The following ROBO1 variants were observed in gnomAD, a reference collection of about 807,000 sequenced individuals.
The protein encoded by ROBO1 is roundabout homolog 1.
ROBO1 carries 149 observed loss-of-function variants against 195.9 expected under a neutral mutation model. The observed-to-expected ratio is 0.76, with a 90% CI of 0.67 to 0.87. ROBO1 has a LOEUF of 0.87. ROBO1 is among the 40% of genes least tolerant of loss of function. The pLI, the probability that ROBO1 is intolerant of heterozygous loss-of-function variation, is 0.00. For synonymous variants in ROBO1, 816 were observed against 733.2 expected, an observed-to-expected ratio of 1.11 and a Z score of -1.82; for missense variants, 1,933 against 2,068.3, an observed-to-expected ratio of 0.93 and a Z score of 1.27.
chr3:78,853,158 C>T (rs537275344), intron 4 of ROBO1, among the ~76,000 whole-genome samples: 5 of 151,670 alleles, frequency 3.3e-5, no homozygotes, highest in African/African-American at 1.2e-4. Context: ...TGGGAGTCAT[C>T]AGTTATATAA....
chr3:79,348,815 C>G (rs2109255769), intron 2 of ROBO1, among the ~76,000 whole-genome samples: 1 of 152,212 alleles, frequency 6.6e-6, no homozygotes, highest in South Asian at 2.1e-4. Flanking sequence ...ATGCTTCTTC[C>G]TATTTCAAAA....
chr3:79,696,819 C>T (rs1947462905), intron 1 of ROBO1, among the ~76,000 whole-genome samples: 1 of 151,452 alleles, frequency 6.6e-6, no homozygotes, highest in Non-Finnish European at 1.5e-5. Context: ...GAGCCATGTT[C>T]AGACCAAGAT....
At chr3:78,944,732 G>A (rs2040325210) in intron 3 of ROBO1, among the ~76,000 whole-genome samples, 1 of 152,234 alleles carries the variant, frequency 6.6e-6, no homozygotes, top group Non-Finnish European at 1.5e-5. Context: ...AACCCAGGAA[G>A]CGCAAGGGGT....
chr3:79,249,913 T>G (rs1023829850), intron 2 of ROBO1, among the ~76,000 whole-genome samples: 2 of 151,990 alleles, frequency 1.3e-5, no homozygotes, highest in African/African-American at 4.8e-5. Context: ...GGAAAATGGG[T>G]GCCAAAGAAG....
chr3:79,017,002 G>A (rs1052872746), intron 3 of ROBO1, among the ~76,000 whole-genome samples: 2 of 152,112 alleles, frequency 1.3e-5, no homozygotes, highest in African/African-American at 2.4e-5. Context: ...ATTACAGAAG[G>A]AGAAGCTGGA....
At chr3:78,693,318 G>T in intron 8 of ROBO1, 1 of 1,550,242 alleles carries the variant, frequency 6.5e-7, no homozygotes, top group South Asian at 1.2e-5. Flanking sequence ...ACACGGTGAT[G>T]AGAAGATGGC....
chr3:78,636,548 G>GA (rs1559677434), intron 22 of ROBO1, among the ~76,000 whole-genome samples: 2 of 151,888 alleles, frequency 1.3e-5, no homozygotes, highest in East Asian at 1.9e-4. Flanking sequence ...AAATCCAAAG[G>GA]AAAAAACTAT....
At chr3:79,675,151 T>C (rs919623859) in intron 1 of ROBO1, among the ~76,000 whole-genome samples, 20 of 151,940 alleles carry the variant, frequency 1.3e-4, no homozygotes, top group African/African-American at 3.9e-4. Flanking sequence ...TAAACGTGCA[T>C]TTGGTCATTA....
intron 2 of ROBO1, among the ~76,000 whole-genome samples, chr3:79,332,239 C>A (rs1452976266): frequency 6.7e-6 from 1 of 149,220 alleles, no homozygotes; most frequent in African/African-American, 2.5e-5. Context: ...CTAACAAGTG[C>A]TAACATATTT....
chr3:79,110,407 T>C (rs569427353), intron 3 of ROBO1, among the ~76,000 whole-genome samples: 1 of 152,142 alleles, frequency 6.6e-6, no homozygotes, highest in African/African-American at 2.4e-5. Context: ...GCTGACTTAT[T>C]CTAGACATTA....
intron 2 of ROBO1, among the ~76,000 whole-genome samples, chr3:79,203,264 T>C (rs891393215): frequency 6.6e-6 from 1 of 152,176 alleles, no homozygotes; most frequent in African/African-American, 2.4e-5. Flanking sequence ...TATCAGTGGT[T>C]CTATATCAAA....
At chr3:79,347,013 T>C (rs1577004677) in intron 2 of ROBO1, among the ~76,000 whole-genome samples, 1 of 151,692 alleles carries the variant, frequency 6.6e-6, no homozygotes, top group East Asian at 1.9e-4. Flanking sequence ...TGGTGATAAG[T>C]AAAAAAAATA....
intron 3 of ROBO1, among the ~76,000 whole-genome samples, chr3:79,053,291 T>C (rs2078738784): frequency 6.6e-6 from 1 of 151,774 alleles, no homozygotes; most frequent in South Asian, 2.1e-4. Context: ...CTTCATCTAC[T>C]CCTCCCCCAC....
chr3:78,968,676 T>C (rs1197012775), intron 3 of ROBO1, among the ~76,000 whole-genome samples: 1 of 151,882 alleles, frequency 6.6e-6, no homozygotes, highest in Admixed American at 6.6e-5. Flanking sequence ...TCAGTCTTCT[T>C]TCTTTCTTTT....
intron 2 of ROBO1, among the ~76,000 whole-genome samples, chr3:79,329,744 T>C (rs565326543): frequency 6.6e-6 from 1 of 152,332 alleles, no homozygotes; most frequent in African/African-American, 2.4e-5. Context: ...TTAAGTGAGA[T>C]AGAATAATAC....
chr3:79,368,539 AC>A (rs2036060730), intron 2 of ROBO1, among the ~76,000 whole-genome samples: 1 of 152,000 alleles, frequency 6.6e-6, no homozygotes, highest in Admixed American at 6.5e-5. Flanking sequence ...GCTGTTAGGT[AC>A]TACAAAACAA....
chr3:78,748,082 G>T (rs2082699981), intron 4 of ROBO1, among the ~76,000 whole-genome samples: 1 of 152,134 alleles, frequency 6.6e-6, no homozygotes, highest in Admixed American at 6.5e-5. Context: ...ATTTAACATG[G>T]TACTGAAAAT....
At chr3:79,033,694 G>T (rs949159996) in intron 3 of ROBO1, among the ~76,000 whole-genome samples, 1 of 152,122 alleles carries the variant, frequency 6.6e-6, no homozygotes, top group Non-Finnish European at 1.5e-5. Context: ...ATGCACTTGG[G>T]TTAAAAGTTT....
At chr3:79,621,734 A>G (rs1945015052) in intron 1 of ROBO1, among the ~76,000 whole-genome samples, 1 of 152,228 alleles carries the variant, frequency 6.6e-6, no homozygotes, top group Admixed American at 6.5e-5. Flanking sequence ...CATCACCACT[A>G]GACCACTGCT....
Sources: gnomAD v4.1 joint callset for allele counts (sites outside exome capture counted in the v4.1 genomes callset) on GRCh38, gnomAD v4.1.1 for gene constraint, MANE v1.5 for transcripts, NCBI Gene and HGNC (gene_info 2026-07-23, HGNC 2026-07-21) for gene names.